CSMD3: variants seen among roughly 807,000 people sequenced by gnomAD.
CSMD3 encodes CUB and sushi domain-containing protein 3.
CSMD3 carries 177 observed loss-of-function variants against 435.2 expected under a neutral mutation model. The ratio of observed to expected loss-of-function variants is 0.41; its 90% CI spans 0.36 to 0.46. The LOEUF is 0.46. Ranked by LOEUF, CSMD3 falls within the 20% of genes least tolerant of loss-of-function variation. The pLI is 0.34. For missense variants in CSMD3, 4,265 were observed against 4,504.6 expected (o/e 0.95, Z 1.52); for synonymous variants, 1,656 against 1,520.5 (o/e 1.09, Z -2.07).
intron 32 of CSMD3, among the ~76,000 whole-genome samples, chr8:112,462,795 T>C (rs542564792): frequency 1.3e-5 from 2 of 152,182 alleles, no homozygotes; most frequent in East Asian, 1.9e-4. Flanking sequence ...CTCTGCCTCA[T>C]ATCTGGGCAA....
chr8:113,077,064 T>C lies in CSMD3; in HGVS notation c.917+21692A>G, dbSNP rs919396519. On this transcript the variant is annotated intron_variant, in intron 5 of 70. Coordinates refer to ENST00000297405, the MANE Select transcript of CSMD3 (RefSeq NM_198123.2). ...ACTTGTTCTGTTTTGAGCATGGTGG[T>C]GGTTACAAGTCCACAAGTGTGATAA... Among the ~76,000 whole-genome samples the C allele has an allele frequency of 2.0e-5, 3 of 152,164 alleles. No individual in the cohort carries two copies. The East Asian group carries it at 5.8e-4, about 29-fold the overall frequency.
chr8:112,700,473 C>T (rs1312396803), intron 13 of CSMD3, among the ~76,000 whole-genome samples: 1 of 152,068 alleles, frequency 6.6e-6, no homozygotes, highest in African/African-American at 2.4e-5. Flanking sequence ...TGCACTCCAG[C>T]CTGGGCAACA....
At position 112,347,798 on chromosome 8, in the gene CSMD3, T is replaced by G. The variant is rs148616140; in HGVS notation, c.6326-1585A>C. 3.9e-5 allele frequency among the ~76,000 whole-genome samples: 6 copies of G among 152,352 alleles called. No homozygotes were observed. In the East Asian group the frequency reaches 1.2e-3, roughly 29 times the overall value. ...AATTAATGAGTTGTAAAAACAATAG[T>G]TTGCTCAATTAAAATATTTTTAAAG... On this transcript the variant is annotated intron_variant, in intron 40 of 70. Transcript: ENST00000297405.
intron 3 of CSMD3, among the ~76,000 whole-genome samples, chr8:113,231,144 T>C (rs1451993456): frequency 2.0e-5 from 3 of 151,540 alleles, no homozygotes; most frequent in East Asian, 3.9e-4. Flanking sequence ...CTTATAACTA[T>C]ATTTTTCCCA....
intron 2 of CSMD3, chr8:113,311,930 A>G (rs1348132777): frequency 6.6e-6 from 1 of 152,130 alleles, no homozygotes; most frequent in Non-Finnish European, 1.5e-5. Flanking sequence ...GTATGAATAT[A>G]GTCTATAAAA....
intron 23 of CSMD3, among the ~76,000 whole-genome samples, chr8:112,586,310 T>C (rs1006499271): frequency 2.6e-5 from 4 of 151,492 alleles, no homozygotes; most frequent in African/African-American, 9.7e-5. Flanking sequence ...AGAAAAAAGC[T>C]ACATAACTAT....
intron 32 of CSMD3, among the ~76,000 whole-genome samples, chr8:112,451,995 A>G (rs773681659): frequency 1.3e-5 from 2 of 152,134 alleles, no homozygotes; most frequent in African/African-American, 2.4e-5. Flanking sequence ...TTACATTTCC[A>G]CCACTGAACC....
At chr8:112,247,196 G>T in intron 63 of CSMD3, 65 bp from the exon 64 acceptor site, 1 of 943,022 alleles carries the variant, frequency 1.1e-6, no homozygotes, top group Non-Finnish European at 1.7e-6. Flanking sequence ...AACAAACAGA[G>T]CTTGAGTGAG....
chr8:112,521,417 C>T (rs930713633), intron 27 of CSMD3, among the ~76,000 whole-genome samples: 12 of 151,916 alleles, frequency 7.9e-5, no homozygotes, highest in African/African-American at 2.7e-4. Flanking sequence ...TTCCTTCCTT[C>T]TTCAAGCACT....
chr8:113,042,939 A>C (rs186232508), intron 5 of CSMD3, among the ~76,000 whole-genome samples: 3 of 152,178 alleles, frequency 2.0e-5, no homozygotes, highest in Non-Finnish European at 4.4e-5. Context: ...GTTATCATCA[A>C]TTATTATTTA....
At chr8:113,371,171 A>G (rs10103599) in intron 1 of CSMD3, among the ~76,000 whole-genome samples, 92,461 of 151,896 alleles carry the variant, frequency 0.61, 29,504 homozygotes, top group East Asian at 0.75. Context: ...TTCTATTATA[A>G]TGAGTTGCTT....
chr8:113,159,924 T>C (rs147108309), intron 4 of CSMD3, among the ~76,000 whole-genome samples: 9 of 152,082 alleles, frequency 5.9e-5, no homozygotes, highest in African/African-American at 1.9e-4. Flanking sequence ...CTATCCACTC[T>C]GGCTGGCAGC....
chr8:112,500,761 C>T (rs1406998329), intron 30 of CSMD3, among the ~76,000 whole-genome samples: 1 of 152,128 alleles, frequency 6.6e-6, no homozygotes, highest in African/African-American at 2.4e-5. Context: ...CAGGTGAATG[C>T]CCACAGTTGT....
At chr8:112,258,836 G>A (rs868728009) in intron 61 of CSMD3, among the ~76,000 whole-genome samples, 2 of 152,006 alleles carry the variant, frequency 1.3e-5, no homozygotes, top group South Asian at 2.1e-4. Flanking sequence ...TCAGGAGATC[G>A]AGACCATCCT....
chr8:113,031,565 C>T (rs933625725), intron 5 of CSMD3, among the ~76,000 whole-genome samples: 10 of 151,460 alleles, frequency 6.6e-5, no homozygotes, highest in African/African-American at 1.9e-4. Flanking sequence ...TGAAGGGATT[C>T]TTGTGATGGA....
chr8:113,236,122 C>A (rs1292770157), intron 3 of CSMD3, among the ~76,000 whole-genome samples: 1 of 152,072 alleles, frequency 6.6e-6, no homozygotes, highest in East Asian at 1.9e-4. Context: ...AAAAAACACA[C>A]CACTAGGTGG....
At chr8:113,313,169 G>C (rs2093883296) in intron 2 of CSMD3, 1 of 152,130 alleles carries the variant, frequency 6.6e-6, no homozygotes, top group Non-Finnish European at 1.5e-5. Flanking sequence ...CCATCTCTCA[G>C]TTTAAACAGA....
chr8:112,533,171 G>GA (rs1825704996), intron 27 of CSMD3, among the ~76,000 whole-genome samples: 1 of 151,668 alleles, frequency 6.6e-6, no homozygotes, highest in South Asian at 2.1e-4. Context: ...TTGTGGTTAA[G>GA]AAAATCACTT....
intron 22 of CSMD3, among the ~76,000 whole-genome samples, chr8:112,620,954 A>T (rs1834021114): frequency 6.6e-6 from 1 of 152,184 alleles, no homozygotes; most frequent in Non-Finnish European, 1.5e-5. Flanking sequence ...CATATATGGC[A>T]GGCCAGGTGC....
Sources: allele counts gnomAD v4.1 joint callset (sites outside exome capture counted in the v4.1 genomes callset), GRCh38; gene constraint gnomAD v4.1.1; transcripts MANE v1.5; gene names NCBI Gene and HGNC (gene_info 2026-07-23, HGNC 2026-07-21).